PLEKHA5: variants seen among roughly 807,000 people sequenced by gnomAD.
PLEKHA5 encodes pleckstrin homology domain containing A5.
A neutral mutation model predicts 181.9 loss-of-function variants in PLEKHA5; 55 were observed. That is an observed-to-expected ratio of 0.30 (90% CI 0.24 to 0.38). PLEKHA5 has a LOEUF of 0.38. Ranked by LOEUF, PLEKHA5 falls within the 10% of genes least tolerant of loss-of-function variation. The pLI, the probability that PLEKHA5 is intolerant of heterozygous loss-of-function variation, is 1.00. For synonymous variants in PLEKHA5, 535 were observed against 529.4 expected, an observed-to-expected ratio of 1.01 and a Z score of -0.15; for missense variants, 1,432 against 1,549.5, an observed-to-expected ratio of 0.92 and a Z score of 1.27.
Position 19,257,539 on chromosome 12 carries a change from TA to T in PLEKHA5, c.537+3del. On this transcript the variant is annotated splice_donor_region_variant and intron_variant, in intron 6 of 31. Transcript: ENST00000429027. ...AGACGAGGTTGGCTTTATAAACAGG[TA>T]TTTTTTTTTTTTTGATATGAAACAA... is the stretch of plus-strand genomic sequence containing the variant. 2 of 1,468,276 alleles carry T rather than the reference TA, an allele frequency of 1.4e-6. No individual in the cohort carries two copies. Among genetic ancestry groups the T allele is most frequent in the Non-Finnish European group, 1.9e-6 (2 of 1,069,556 alleles). The allele number at this position is 1,468,276 out of a possible 1,614,324, so 91.0% of individuals were successfully genotyped here.
chr12:19,130,042 C>T lies in PLEKHA5; in HGVS notation c.90-9C>T. ...CGCTCCGTGTCTGCCCCTTCTCTCA[C>T]CCCTGCAGCGAGGAGGCCAAGAGCA... On this transcript the variant is annotated splice_polypyrimidine_tract_variant and intron_variant, in intron 1 of 31. Transcript: ENST00000429027. This position sits in a 1 kb window ranked among gnomAD's most constrained non-coding sequence, Gnocchi z 4.5. 5.7e-6 allele frequency: 9 copies of T among 1,579,800 alleles called. No homozygotes were observed. Among genetic ancestry groups the T allele is most frequent in the South Asian group, 1.2e-5 (1 of 86,456 alleles).
intron 24 of PLEKHA5, 51 bp from the exon 25 acceptor site, chr12:19,348,348 A>G (rs529443741): frequency 2.5e-5 from 36 of 1,436,712 alleles, no homozygotes; most frequent in Non-Finnish European, 3.3e-5. Flanking sequence ...TAAACATTTT[A>G]AAAGAAACTT....
intron 29 of PLEKHA5, among the ~76,000 whole-genome samples, chr12:19,363,619 G>A (rs2095332410): frequency 6.6e-6 from 1 of 151,618 alleles, no homozygotes; most frequent in South Asian, 2.1e-4. Context: ...AGCCTCCCAA[G>A]TAGCTGGGAT....
chr12:19,246,890 A>G (rs2063896812), intron 3 of PLEKHA5, among the ~76,000 whole-genome samples: 2 of 152,174 alleles, frequency 1.3e-5, no homozygotes, highest in Admixed American at 1.3e-4. Context: ...TTAAGAATGA[A>G]ATAGGCCCCT....
At chr12:19,132,339 A>G (rs1471282404) in intron 2 of PLEKHA5, 54 bp from the exon 3 acceptor site, 2 of 857,262 alleles carry the variant, frequency 2.3e-6, no homozygotes, top group Non-Finnish European at 3.9e-6. Context: ...ATGGATTGAG[A>G]CTTATTTTGC....
chr12:19,333,681 T>A (rs2093078339), intron 20 of PLEKHA5, among the ~76,000 whole-genome samples: 1 of 148,080 alleles, frequency 6.8e-6, no homozygotes, highest in Non-Finnish European at 1.5e-5. Flanking sequence ...CCATCTCGGC[T>A]CACTGCAACC....
intron 3 of PLEKHA5, among the ~76,000 whole-genome samples, chr12:19,167,436 C>CTTTTTTTTTTTTTTTTTTTTTTTTTT (rs1555230969): frequency 1.8e-3 from 86 of 48,574 alleles, no homozygotes; most frequent in African/African-American, 2.4e-3. Flanking sequence ...TTTTTTTTTG[C>CTTTTTTTTTTTTTTTTTTTTTTTTTT]TTTGGAAGCA....
chr12:19,171,538 GGCAGAGACAGGGA>G (rs2045890900), intron 3 of PLEKHA5, among the ~76,000 whole-genome samples: 1 of 151,858 alleles, frequency 6.6e-6, no homozygotes, highest in Non-Finnish European at 1.5e-5. Context: ...GCGGTACCTC[GGCAGAGACAGGGA>G]TTTTACCATG....
At chr12:19,207,499 A>G (rs1336198610) in intron 3 of PLEKHA5, 1 of 152,124 alleles carries the variant, frequency 6.6e-6, no homozygotes, top group Non-Finnish European at 1.5e-5. Flanking sequence ...CTTAACATCT[A>G]CCCATTAAGG....
At chr12:19,333,019 A>G (rs916769318) in intron 20 of PLEKHA5, among the ~76,000 whole-genome samples, 1 of 152,186 alleles carries the variant, frequency 6.6e-6, no homozygotes, top group Non-Finnish European at 1.5e-5. Context: ...TACGAGGTTC[A>G]TCCATATAGT....
chr12:19,209,037 G>T (rs1281697874), intron 3 of PLEKHA5, among the ~76,000 whole-genome samples: 1 of 152,130 alleles, frequency 6.6e-6, no homozygotes, highest in Non-Finnish European at 1.5e-5. Context: ...ACTATGCATG[G>T]ATTTAATAAA....
chr12:19,340,774 C>T (rs2093842533), intron 21 of PLEKHA5, among the ~76,000 whole-genome samples: 1 of 148,652 alleles, frequency 6.7e-6, no homozygotes, highest in South Asian at 2.2e-4. Context: ...TAAGAGTCAT[C>T]ACCACTCCCT....
rs2090390143 is a variant in PLEKHA5, at chr12:19,320,582, A to G, written c.2175A>G (p.Arg725=). The change falls in exon 18 of 32, where the codon AGA becomes AGG. Residue 725 remains arginine (R), a synonymous_variant. Coordinates refer to ENST00000429027, the MANE Select transcript of PLEKHA5 (RefSeq NM_001256470.2). ...SLYCLSQDEG[R]GTLYKYRPEE... ...TATAGCTGTCACAAGATGAAGGTAG[A>G]GGCACATTATACAAATACAGACCTG... 1.2e-5 allele frequency: 18 copies of G among 1,517,780 alleles called. No individual in the cohort carries two copies. The East Asian group carries it at 4.1e-4, about 34-fold the overall frequency. 94.0% of individuals were successfully genotyped at this position (1,517,780 alleles called of 1,614,324 possible). A position where few individuals can be genotyped will look rare whatever the true frequency, so the allele number is the denominator to read the frequency against.
At chr12:19,197,084 T>C (rs987991513) in intron 3 of PLEKHA5, among the ~76,000 whole-genome samples, 2 of 152,112 alleles carry the variant, frequency 1.3e-5, no homozygotes, top group African/African-American at 4.8e-5. Flanking sequence ...CCCCACTGAC[T>C]CCACACTGCA....
intron 3 of PLEKHA5, among the ~76,000 whole-genome samples, chr12:19,202,833 C>T (rs867193173): frequency 1.3e-5 from 2 of 152,084 alleles, no homozygotes; most frequent in Admixed American, 1.3e-4. Flanking sequence ...CACCCATCCT[C>T]ATGTATCAGT....
intron 31 of PLEKHA5, chr12:19,371,005 C>CT (rs34940438): frequency 0.022 from 3,026 of 139,154 alleles, 48 homozygotes; most frequent in Middle Eastern, 0.039. Context: ...ATTTTCTCTC[C>CT]TTTTTTTTTT....
At chr12:19,350,756 A>G (rs1435979978) in intron 25 of PLEKHA5, among the ~76,000 whole-genome samples, 1 of 152,138 alleles carries the variant, frequency 6.6e-6, no homozygotes, top group Non-Finnish European at 1.5e-5. Flanking sequence ...CAGTGACTCC[A>G]TCTCAAAAAA....
At chr12:19,281,759 A>G (rs1051656521) in intron 11 of PLEKHA5, among the ~76,000 whole-genome samples, 6 of 127,884 alleles carry the variant, frequency 4.7e-5, no homozygotes, top group African/African-American at 1.6e-4. Context: ...TATGTTTATC[A>G]AAGTGGTTTT....
intron 15 of PLEKHA5, among the ~76,000 whole-genome samples, chr12:19,306,074 C>T (rs928744037): frequency 4.6e-5 from 7 of 151,400 alleles, no homozygotes; most frequent in Non-Finnish European, 7.4e-5. Flanking sequence ...TCCGATACTC[C>T]GTCTAAAAAA....
Sources: allele counts gnomAD v4.1 joint callset (sites outside exome capture counted in the v4.1 genomes callset), GRCh38; gene constraint gnomAD v4.1.1; non-coding constraint Gnocchi (gnomAD v3.1); transcripts MANE v1.5; gene names NCBI Gene and HGNC (gene_info 2026-07-23, HGNC 2026-07-21).